AZIN2: variants seen among roughly 807,000 people sequenced by gnomAD.
The protein encoded by AZIN2 is ODC antizyme inhibitor-2.
Under a neutral mutation model 47.8 loss-of-function variants are expected in AZIN2, and 28 were observed. That is an observed-to-expected ratio of 0.59 (90% CI 0.43 to 0.80). The LOEUF (loss-of-function observed/expected upper bound fraction) is 0.80, where lower values mean the gene tolerates loss of function less well. Ranked by LOEUF, AZIN2 falls within the 30% of genes least tolerant of loss-of-function variation. The pLI is 0.00. For missense variants in AZIN2, 535 were observed against 582.5 expected, an observed-to-expected ratio of 0.92 and a Z score of 0.84; for synonymous variants, 221 against 239.4, an observed-to-expected ratio of 0.92 and a Z score of 0.71.
In AZIN2 at chr1:33,082,263, T is replaced by TGAGTGAATC; in HGVS notation, c.16_24dup (p.Ser6_Ser8dup). 1 of 1,613,954 alleles carries TGAGTGAATC rather than the reference T, an allele frequency of 6.2e-7. No homozygotes were observed. Among genetic ancestry groups the TGAGTGAATC allele is most frequent in the Non-Finnish European group, 8.5e-7 (1 of 1,179,932 alleles). ...CTCCTGCAAGGCATGGCTGGCTACC[T>TGAGTGAATC]GAGTGAATCGGACTTTGTGATGGTG... is the stretch of plus-strand genomic sequence containing the variant. On this transcript the variant is annotated inframe_insertion, in exon 4 of 12. Transcript: ENST00000294517.
rs1644812834 is a variant in AZIN2, at chr1:33,122,454, T to A, written c.*2272T>A. Among the ~76,000 whole-genome samples, 1 of 152,230 alleles carries A rather than the reference T, an allele frequency of 6.6e-6. No homozygotes were observed. The highest frequency in any genetic ancestry group is 1.5e-5 in the Non-Finnish European group (1 of 68,036). On this transcript the variant is annotated 3_prime_UTR_variant, in exon 12 of 12. Transcript: ENST00000294517. The stretch of plus-strand genomic sequence containing the variant: ...GATGTGGCTTACTTGAGGATAATAG[T>A]TAATAGTCATTTTTTCCCAGTTATT...
Position 33,094,614 on chromosome 1 carries a change from C to G in AZIN2, c.654C>G (p.Leu218=). Residue 218 remains leucine (L), a synonymous_variant, in exon 8 of 12, where the codon CTC becomes CTG. Coordinates refer to ENST00000294517, the MANE Select transcript of AZIN2 (RefSeq NM_052998.4). The stretch of plus-strand genomic sequence containing the variant: ...CTCAGTCCATCGCAGACGCCCGGCT[C>G]GTGTTTGAAATGGGCACCGAGCTGG... ...AYAQSIADAR[L]VFEMGTELGH... is the part of the protein sequence containing the mutation. 6.2e-7 allele frequency: 1 copy of G among 1,614,136 alleles called. No homozygotes were observed. Among genetic ancestry groups the G allele is most frequent in the Non-Finnish European group, 8.5e-7 (1 of 1,180,026 alleles).
chr1:33,099,725 C>T (rs898031580), intron 10 of AZIN2, among the ~76,000 whole-genome samples: 10 of 152,224 alleles, frequency 6.6e-5, no homozygotes, highest in Non-Finnish European at 1.0e-4. Context: ...TGCTGTTCCT[C>T]CCCTGAACGA....
At position 33,092,088 on chromosome 1, in the gene AZIN2, C is replaced by T. The variant is rs1049243366; in HGVS notation, c.318C>T (p.Ala106=). 1 of 1,614,132 alleles carries T rather than the reference C, an allele frequency of 6.2e-7. No homozygotes were observed. The highest frequency in any genetic ancestry group is 8.5e-7 in the Non-Finnish European group (1 of 1,180,008). ...MELVQHIGIP[A]SKIICANPCK... ...TGGTCCAGCATATTGGAATCCCTGCCAGTAAGATCATCTGCGCCAACCCCT... is the reference window on the plus strand; with the variant it reads ...TGGTCCAGCATATTGGAATCCCTGCTAGTAAGATCATCTGCGCCAACCCCT... The change falls in exon 6 of 12, where the codon GCC becomes GCT. Residue 106 remains alanine (A), a synonymous_variant. Coordinates refer to ENST00000294517, the MANE Select transcript of AZIN2 (RefSeq NM_052998.4).
the AZIN2 span, chr1:33,159,696 C>G: frequency 6.2e-7 from 1 of 1,607,614 alleles, no homozygotes. This position sits in a 1 kb window ranked among gnomAD's most constrained non-coding sequence, Gnocchi z 4.2. Context: ...ACCGCTCGGA[C>G]AGTGAGGCCA....
chr1:33,124,931 T>G (rs896481449), downstream of AZIN2, among the ~76,000 whole-genome samples: 1 of 152,268 alleles, frequency 6.6e-6, no homozygotes, highest in Non-Finnish European at 1.5e-5. This position sits in a 1 kb window ranked among gnomAD's most constrained non-coding sequence, Gnocchi z 4.6. Context: ...TGATGGACAT[T>G]TGGGTTGGTT....
the AZIN2 span, among the ~76,000 whole-genome samples, chr1:33,154,495 T>A: frequency 6.6e-6 from 1 of 151,870 alleles, no homozygotes; most frequent in Non-Finnish European, 1.5e-5. Flanking sequence ...TTTTTTTTTC[T>A]TAATTAAATT....
intron 5 of AZIN2, among the ~76,000 whole-genome samples, chr1:33,089,396 G>A (rs532100047): frequency 1.3e-5 from 2 of 152,200 alleles, no homozygotes; most frequent in African/African-American, 4.8e-5. Context: ...CCAGGAGTTC[G>A]AAACCAGCCT....
At chr1:33,133,113 C>T in the AZIN2 span, among the ~76,000 whole-genome samples, 18 of 152,192 alleles carry the variant, frequency 1.2e-4, no homozygotes, top group Admixed American at 1.3e-4. Context: ...TCGAGGGCAG[C>T]CTTGGCCCAT....
the AZIN2 span, chr1:33,165,542 C>A: frequency 6.2e-7 from 1 of 1,610,392 alleles, no homozygotes; most frequent in Non-Finnish European, 8.5e-7. This position sits in a 1 kb window ranked among gnomAD's most constrained non-coding sequence, Gnocchi z 4.0. Context: ...TCTTGAAGGG[C>A]CTGAAGTTGG....
At chr1:33,088,649 C>G (rs1642202655) in intron 5 of AZIN2, among the ~76,000 whole-genome samples, 1 of 152,220 alleles carries the variant, frequency 6.6e-6, no homozygotes, top group Non-Finnish European at 1.5e-5. Context: ...TCTTCTTGAG[C>G]CACTGCAGCA....
In AZIN2 at chr1:33,083,937, C is replaced by A; in HGVS notation, c.106-17C>A. The A allele has an allele frequency of 6.2e-7, 1 of 1,613,838 alleles. No individual in the cohort carries two copies. The highest frequency in any genetic ancestry group is 1.1e-5 in the South Asian group (1 of 91,074). Reference sequence around the variant, plus strand: ...AGCTGGATGGGGTCTCACATTCATCCACTTCTTGTCATTCAGGACGAGGTA... The same window carrying A: ...AGCTGGATGGGGTCTCACATTCATCAACTTCTTGTCATTCAGGACGAGGTA... On this transcript the variant is annotated splice_polypyrimidine_tract_variant and intron_variant, in intron 4 of 11. Transcript: ENST00000294517.
chr1:33,137,636 C>T, the AZIN2 span, among the ~76,000 whole-genome samples: 1 of 152,144 alleles, frequency 6.6e-6, no homozygotes, highest in South Asian at 2.1e-4. Flanking sequence ...CACTTAACCA[C>T]ACTATTTGGC....
chr1:33,147,255 G>A, the AZIN2 span: 4 of 1,614,098 alleles, frequency 2.5e-6, no homozygotes, highest in Non-Finnish European at 3.4e-6. The surrounding 1 kb of genome is among the most constrained non-coding windows in gnomAD (Gnocchi z 8.1). Flanking sequence ...TGAAGTAAGA[G>A]CAGAGCTTGC....
chr1:33,148,581 G>T, the AZIN2 span, among the ~76,000 whole-genome samples: 1 of 152,176 alleles, frequency 6.6e-6, no homozygotes, highest in African/African-American at 2.4e-5. Flanking sequence ...TAGTGTGATT[G>T]TGGGTGAGCA....
At chr1:33,090,505 G>A (rs1339585195) in intron 5 of AZIN2, among the ~76,000 whole-genome samples, 1 of 152,180 alleles carries the variant, frequency 6.6e-6, no homozygotes, top group East Asian at 1.9e-4. Flanking sequence ...CCTTTGGAGT[G>A]GGGTGATCTC....
intron 10 of AZIN2, among the ~76,000 whole-genome samples, 153 bp downstream of exon 10, chr1:33,098,332 C>T (rs1241967867): frequency 6.6e-6 from 1 of 152,222 alleles, no homozygotes; most frequent in Non-Finnish European, 1.5e-5. Flanking sequence ...AATCCCACCA[C>T]ACTCTTTGAG....
chr1:33,082,444 C>G (rs1185693505), intron 4 of AZIN2, 90 bp downstream of exon 4: 1 of 861,130 alleles, frequency 1.2e-6, no homozygotes. Context: ...TCATCTTATC[C>G]TTTCGCTTAT....
At chr1:33,143,457 G>T in the AZIN2 span, among the ~76,000 whole-genome samples, 1 of 152,148 alleles carries the variant, frequency 6.6e-6, no homozygotes, top group Admixed American at 6.5e-5. Flanking sequence ...GAGGATGGGG[G>T]AGGGCTTGGG....
Sources: gnomAD v4.1 joint callset for allele counts (sites outside exome capture counted in the v4.1 genomes callset) on GRCh38, gnomAD v4.1.1 for gene constraint, Gnocchi (gnomAD v3.1) non-coding constraint, MANE v1.5 for transcripts, NCBI Gene and HGNC (gene_info 2026-07-23, HGNC 2026-07-21) for gene names.